Variants in NCK2 observed in about 807,000 individuals in gnomAD.
NCK2 encodes the protein NCK adaptor protein 2.
A neutral mutation model predicts 33.9 loss-of-function variants in NCK2; 16 were observed. That is an observed-to-expected ratio of 0.47 (90% confidence interval 0.32 to 0.72). The LOEUF is 0.72. Ranked by LOEUF, NCK2 falls within the 30% of genes least tolerant of loss-of-function variation. The pLI is 0.03. For synonymous variants in NCK2, 273 were observed against 239.9 expected (o/e 1.14, Z -1.27); for missense variants, 418 against 537.3 (o/e 0.78, Z 2.19).
intron 1 of NCK2, among the ~76,000 whole-genome samples, chr2:105,749,701 GA>G (rs1212302851): frequency 7.3e-6 from 1 of 136,260 alleles, no homozygotes; most frequent in Non-Finnish European, 1.6e-5. Context: ...TTCTGGATGT[GA>G]GTTGACTGAG....
At chr2:105,837,296 T>C (rs191705417) in intron 2 of NCK2, among the ~76,000 whole-genome samples, 40 of 152,342 alleles carry the variant, frequency 2.6e-4, no homozygotes, top group Non-Finnish European at 2.9e-5. Context: ...TTACCACATA[T>C]GTAAGTCTAA....
chr2:105,788,515 A>G (rs1168646530), intron 1 of NCK2, among the ~76,000 whole-genome samples: 4 of 152,148 alleles, frequency 2.6e-5, no homozygotes, highest in African/African-American at 9.7e-5. Flanking sequence ...CTCCTCTTGA[A>G]CAAGTAATAC....
intron 2 of NCK2, among the ~76,000 whole-genome samples, chr2:105,842,699 G>A (rs1676694250): frequency 6.6e-6 from 1 of 152,156 alleles, no homozygotes; most frequent in African/African-American, 2.4e-5. Flanking sequence ...AATTATACAT[G>A]GAATTGGTGT....
chr2:105,754,737 A>G (rs1446050262), intron 1 of NCK2, among the ~76,000 whole-genome samples: 1 of 151,456 alleles, frequency 6.6e-6, no homozygotes, highest in Non-Finnish European at 1.5e-5. Flanking sequence ...AGACATTGAC[A>G]TAAAAAGCAC....
rs1242453071 is a variant in NCK2, at chr2:105,881,704, G to A, written c.603G>A (p.Gln201=). The change falls in exon 4 of 5, where the codon CAG becomes CAA. Residue 201 remains glutamine (Q), a synonymous_variant. Transcript: ENST00000233154. ...GQGSRVLHVV[Q]TLYPFSSVTE... is the part of the protein sequence containing the mutation. ...GCTCCCGCGTGCTGCATGTGGTCCA[G>A]ACGCTGTACCCCTTCAGCTCAGTCA... 6.8e-6 allele frequency: 11 copies of A among 1,614,110 alleles called. No individual in the cohort carries two copies. In the East Asian group the frequency reaches 2.4e-4, roughly 36 times the overall value.
chr2:105,821,490 G>C (rs1675736705), intron 2 of NCK2, among the ~76,000 whole-genome samples: 1 of 152,186 alleles, frequency 6.6e-6, no homozygotes, highest in Non-Finnish European at 1.5e-5. Flanking sequence ...CTTCTGTACA[G>C]TGTACCGAAT....
At chr2:105,822,956 CT>C (rs1464827050) in intron 2 of NCK2, among the ~76,000 whole-genome samples, 2 of 151,948 alleles carry the variant, frequency 1.3e-5, no homozygotes, top group African/African-American at 4.9e-5. Flanking sequence ...TGTCCTTGTC[CT>C]TAAGAGGCCC....
rs570279488 is a variant in NCK2, at chr2:105,892,184, CAAA to C, written c.949-789_949-787del. 1.4e-4 allele frequency among the ~76,000 whole-genome samples: 19 copies of C among 137,610 alleles called. No homozygotes were observed. In the East Asian group the frequency reaches 4.0e-3, roughly 29 times the overall value. The allele number at this position is 137,610 out of a possible 152,430, so 90.3% of individuals were successfully genotyped here. A position where few individuals can be genotyped will look rare whatever the true frequency, so the allele number is the denominator to read the frequency against. ...GGGCAACAAAAGCAAAACTGCGTCT[CAAA>C]AAAAAAAAGAATTAGAAAAATTTTG... On this transcript the variant is annotated intron_variant, in intron 4 of 4. Coordinates refer to ENST00000233154, the MANE Select transcript of NCK2 (RefSeq NM_003581.5).
At chr2:105,766,674 G>C (rs1024844932) in intron 1 of NCK2, among the ~76,000 whole-genome samples, 2 of 152,142 alleles carry the variant, frequency 1.3e-5, no homozygotes, top group African/African-American at 2.4e-5. Flanking sequence ...TCACCTTTCA[G>C]GGTAGTCTGT....
chr2:105,786,490 G>T (rs1161408484), intron 1 of NCK2, among the ~76,000 whole-genome samples: 1 of 152,242 alleles, frequency 6.6e-6, no homozygotes, highest in East Asian at 1.9e-4. Context: ...GGGATCTTGT[G>T]TCTGCTCCTC....
chr2:105,846,044 C>T (rs778752100), intron 2 of NCK2, among the ~76,000 whole-genome samples: 1 of 152,020 alleles, frequency 6.6e-6, no homozygotes, highest in Non-Finnish European at 1.5e-5. Context: ...AGAAAATTGG[C>T]TTATTAAATT....
intron 1 of NCK2, among the ~76,000 whole-genome samples, chr2:105,752,345 C>G (rs2104331849): frequency 6.6e-6 from 1 of 152,266 alleles, no homozygotes; most frequent in Non-Finnish European, 1.5e-5. Context: ...CCTTCAGACA[C>G]TCAGCACATG....
chr2:105,884,604 C>T (rs1252369400), intron 4 of NCK2, among the ~76,000 whole-genome samples: 3 of 152,144 alleles, frequency 2.0e-5, no homozygotes, highest in Non-Finnish European at 4.4e-5. Context: ...CCTTGCTTGA[C>T]GATATTGAGG....
intron 3 of NCK2, among the ~76,000 whole-genome samples, chr2:105,867,156 CT>C (rs1461001363): frequency 2.6e-5 from 4 of 152,154 alleles, no homozygotes; most frequent in African/African-American, 9.7e-5. Flanking sequence ...TATCTTAATT[CT>C]ATTTTAAATG....
intron 3 of NCK2, among the ~76,000 whole-genome samples, chr2:105,867,300 A>G (rs1677802799): frequency 6.6e-6 from 1 of 152,244 alleles, no homozygotes; most frequent in African/African-American, 2.4e-5. Flanking sequence ...CATTGTATGA[A>G]CATGAATTAA....
At chr2:105,756,145 G>A (rs1013665952) in intron 1 of NCK2, among the ~76,000 whole-genome samples, 1 of 152,210 alleles carries the variant, frequency 6.6e-6, no homozygotes, top group Non-Finnish European at 1.5e-5. Context: ...GAGATGAAGA[G>A]AGCTGTCAGT....
At chr2:105,874,256 C>T (rs140510324) in intron 3 of NCK2, among the ~76,000 whole-genome samples, 2,283 of 152,232 alleles carry the variant, frequency 0.015, 36 homozygotes, top group Non-Finnish European at 0.019. Context: ...AAAGTAGATG[C>T]AAATTAAATG....
intron 1 of NCK2, among the ~76,000 whole-genome samples, chr2:105,806,099 A>T (rs1302250343): frequency 6.6e-6 from 1 of 151,996 alleles, no homozygotes; most frequent in Non-Finnish European, 1.5e-5. Flanking sequence ...TACTTGCAGC[A>T]TCATGTTAGT....
rs56247904 is a variant in NCK2, at chr2:105,831,410, CT to C, written c.-17+14811del. ...CAAAGCTACCAAATAAGCATGATAT[CT>C]TTTTTTTTTTTTTGTCTTTTTGATA... On this transcript the variant is annotated intron_variant, in intron 2 of 4. Coordinates refer to ENST00000233154, the MANE Select transcript of NCK2 (RefSeq NM_003581.5). 8.9e-3 allele frequency among the ~76,000 whole-genome samples: 1,292 copies of C among 144,818 alleles called. 6 individuals carry two copies. The highest frequency in any genetic ancestry group is 0.021 in the African/African-American group (845 of 39,502).
Sources: allele counts gnomAD v4.1 joint callset (sites outside exome capture counted in the v4.1 genomes callset), GRCh38; gene constraint gnomAD v4.1.1; transcripts MANE v1.5; gene names NCBI Gene and HGNC (gene_info 2026-07-23, HGNC 2026-07-21).